The following SFMBT1 variants were observed in gnomAD, a reference collection of about 807,000 sequenced individuals.
The protein encoded by SFMBT1 is Scm like with four mbt domains 1.
A neutral mutation model predicts 108.7 loss-of-function variants in SFMBT1; 32 were observed. The observed-to-expected ratio is 0.29, with a 90% confidence interval of 0.22 to 0.40. The LOEUF is 0.40. Among genes scored for constraint, SFMBT1 ranks in the 10% least tolerant of loss-of-function variants. The pLI is 1.00. For missense variants in SFMBT1, 816 were observed against 1,059.6 expected (o/e 0.77, Z 3.19); for synonymous variants, 348 against 369.5 (o/e 0.94, Z 0.67).
intron 16 of SFMBT1, among the ~76,000 whole-genome samples, chr3:52,911,873 T>C (rs1702222988): frequency 6.6e-6 from 1 of 151,738 alleles, no homozygotes; most frequent in Non-Finnish European, 1.5e-5. Context: ...CTAATTTTTG[T>C]ATTTTGAGTA....
intron 2 of SFMBT1, among the ~76,000 whole-genome samples, chr3:52,965,380 A>C (rs1486882133): frequency 6.6e-6 from 1 of 151,952 alleles, no homozygotes; most frequent in African/African-American, 2.4e-5. Context: ...GATAAGCTTA[A>C]ACCCAAAAAA....
chr3:52,909,495 TG>T (rs1702166411), intron 17 of SFMBT1, among the ~76,000 whole-genome samples: 1 of 152,230 alleles, frequency 6.6e-6, no homozygotes, highest in African/African-American at 2.4e-5. Context: ...ATACTAAGTA[TG>T]GACCTTGGAT....
chr3:53,005,291 G>C lies in SFMBT1; in HGVS notation c.-130-36033C>G, dbSNP rs115979382. ...ACGCATGATGGGAGTAAAGTGAAGA[G>C]GGGGTTTAAGCCATGTGGGTTTTTT... is the stretch of plus-strand genomic sequence containing the variant. On this transcript the variant is annotated intron_variant, in intron 1 of 20. Transcript: ENST00000394752. 2.2e-3 allele frequency among the ~76,000 whole-genome samples: 340 copies of C among 152,300 alleles called. 1 individual carries two copies. The highest frequency in any genetic ancestry group is 7.2e-3 in the African/African-American group (298 of 41,566).
chr3:52,934,956 G>C, intron 4 of SFMBT1, 55 bp from the exon 5 acceptor site: 1 of 1,442,674 alleles, frequency 6.9e-7, no homozygotes, highest in South Asian at 1.2e-5. Context: ...AGAATGCAGA[G>C]AAACCGAAAT....
rs71615878 is a variant in SFMBT1 at position 52,948,825 on chromosome 3, A to ATTTTTTTTTTTTTTTTTTTTTTTT, written c.124-5233_124-5232insAAAAAAAAAAAAAAAAAAAAAAAA. 2.3e-4 allele frequency among the ~76,000 whole-genome samples: 18 copies of ATTTTTTTTTTTTTTTTTTTTTTTT among 78,298 alleles called. 3 individuals are homozygous for ATTTTTTTTTTTTTTTTTTTTTTTT. Among genetic ancestry groups the ATTTTTTTTTTTTTTTTTTTTTTTT allele is most frequent in the Admixed American group, 3.4e-4 (2 of 5,962 alleles). 51.4% of individuals were successfully genotyped at this position (78,298 alleles called of 152,430 possible). A position where few individuals can be genotyped will look rare whatever the true frequency, so the allele number is the denominator to read the frequency against. The stretch of plus-strand genomic sequence containing the variant: ...CTCCACCATGCCTGGCTAATTTTTA[A>ATTTTTTTTTTTTTTTTTTTTTTTT]TTTTTTTTTTTTTTTTTTTTTGTAG... On this transcript the variant is annotated intron_variant, in intron 3 of 20. Transcript: ENST00000394752.
At chr3:52,958,059 C>T (rs567103006) in intron 2 of SFMBT1, among the ~76,000 whole-genome samples, 27 of 152,246 alleles carry the variant, frequency 1.8e-4, no homozygotes, top group African/African-American at 5.1e-4. Context: ...GTAATCTCTC[C>T]ATCTGACAAA....
intron 4 of SFMBT1, among the ~76,000 whole-genome samples, chr3:52,937,808 C>G (rs1395479000): frequency 2.6e-5 from 4 of 152,108 alleles, no homozygotes; most frequent in Non-Finnish European, 5.9e-5. Context: ...GTCTTGATCT[C>G]CTAACCTCGT....
intron 1 of SFMBT1, among the ~76,000 whole-genome samples, chr3:53,040,355 C>G (rs1699998172): frequency 6.6e-6 from 1 of 152,198 alleles, no homozygotes; most frequent in African/African-American, 2.4e-5. Context: ...ACTCCTGAGG[C>G]ATTTTAGTAA....
At chr3:52,982,198 C>T (rs1704734705) in intron 1 of SFMBT1, among the ~76,000 whole-genome samples, 2 of 152,164 alleles carry the variant, frequency 1.3e-5, no homozygotes, top group South Asian at 4.1e-4. Flanking sequence ...GGACTGTCAA[C>T]ACTATGCAAG....
chr3:52,921,631 G>A (rs1702522032), intron 11 of SFMBT1, 74 bp downstream of exon 11: 2 of 1,505,628 alleles, frequency 1.3e-6, no homozygotes, highest in African/African-American at 1.4e-5. Flanking sequence ...AGTTTAACAG[G>A]CAACATTACA....
intron 1 of SFMBT1, among the ~76,000 whole-genome samples, chr3:53,022,693 G>C (rs1034694273): frequency 6.6e-6 from 1 of 152,134 alleles, no homozygotes; most frequent in East Asian, 1.9e-4. Context: ...CCACTTCTAT[G>C]AGGTACCTAA....
intron 2 of SFMBT1, among the ~76,000 whole-genome samples, chr3:52,962,678 C>A (rs945215789): frequency 6.6e-6 from 1 of 151,676 alleles, no homozygotes; most frequent in East Asian, 1.9e-4. Flanking sequence ...CATGGTGGCA[C>A]GTGCCTGTAA....
In SFMBT1 at chr3:52,996,116, A is replaced by C. The variant is rs1041654287; in HGVS notation, c.-130-26858T>G. Among the ~76,000 whole-genome samples the C allele has an allele frequency of 2.0e-5, 3 of 150,048 alleles. 1 individual carries two copies. Among genetic ancestry groups the C allele is most frequent in the Non-Finnish European group, 4.5e-5 (3 of 66,962 alleles). Reference sequence around the variant, plus strand: ...CTCTTCAAAGACACAATGAAGAAAAAAGACAAGCCAGAGGCTTAAAAAGAA... The same window carrying C: ...CTCTTCAAAGACACAATGAAGAAAACAGACAAGCCAGAGGCTTAAAAAGAA... On this transcript the variant is annotated intron_variant, in intron 1 of 20. Transcript: ENST00000394752.
At chr3:53,037,290 C>G (rs1343910353) in intron 1 of SFMBT1, among the ~76,000 whole-genome samples, 1 of 152,096 alleles carries the variant, frequency 6.6e-6, no homozygotes, top group Non-Finnish European at 1.5e-5. Flanking sequence ...CATAGCCATT[C>G]CTGAGAATGG....
At chr3:53,039,045 G>A (rs2106972452) in intron 1 of SFMBT1, among the ~76,000 whole-genome samples, 1 of 152,266 alleles carries the variant, frequency 6.6e-6, no homozygotes, top group Non-Finnish European at 1.5e-5. Context: ...CTGGACTCCT[G>A]CAACCTTTGC....
At chr3:52,916,675 A>T (rs1702366036) in intron 13 of SFMBT1, among the ~76,000 whole-genome samples, 1 of 151,792 alleles carries the variant, frequency 6.6e-6, no homozygotes, top group African/African-American at 2.4e-5. Flanking sequence ...TGTCAAAAAA[A>T]CCAAACAACA....
chr3:53,045,613 C>G (rs1008777461), intron 1 of SFMBT1, among the ~76,000 whole-genome samples: 2 of 141,320 alleles, frequency 1.4e-5, no homozygotes, highest in African/African-American at 5.1e-5. Flanking sequence ...GCGCTCCCCC[C>G]GCCCCGCCCC....
intron 1 of SFMBT1, among the ~76,000 whole-genome samples, chr3:53,034,728 C>T (rs1455688100): frequency 2.0e-5 from 3 of 151,748 alleles, no homozygotes; most frequent in African/African-American, 2.4e-5. Flanking sequence ...CTTGAGATCA[C>T]GAGTTCGAGA....
intron 20 of SFMBT1, among the ~76,000 whole-genome samples, chr3:52,905,874 G>A (rs1452968014): frequency 1.3e-5 from 2 of 152,042 alleles, no homozygotes; most frequent in Non-Finnish European, 1.5e-5. Context: ...GCTTGATATT[G>A]GAGGGATGGA....
Sources: gnomAD v4.1 joint callset for allele counts (sites outside exome capture counted in the v4.1 genomes callset) on GRCh38, gnomAD v4.1.1 for gene constraint, MANE v1.5 for transcripts, NCBI Gene and HGNC (gene_info 2026-07-23, HGNC 2026-07-21) for gene names.